The following ROBO1 variants were observed in gnomAD, a reference collection of about 807,000 sequenced individuals.
ROBO1 encodes roundabout homolog 1.
In ROBO1, 149 loss-of-function variants were observed where a neutral mutation model predicts 195.9. The observed-to-expected ratio is 0.76, with a 90% CI of 0.67 to 0.87. The LOEUF (loss-of-function observed/expected upper bound fraction) is 0.87, where lower values mean the gene tolerates loss of function less well. Ranked by LOEUF, ROBO1 falls within the 40% of genes least tolerant of loss-of-function variation. The pLI, the probability that ROBO1 is intolerant of heterozygous loss-of-function variation, is 0.00. For missense variants in ROBO1, 1,933 were observed against 2,068.3 expected (o/e 0.93, Z 1.27); for synonymous variants, 816 against 733.2 (o/e 1.11, Z -1.82).
At chr3:78,946,774 A>T (rs945358318) in intron 3 of ROBO1, among the ~76,000 whole-genome samples, 33 of 152,162 alleles carry the variant, frequency 2.2e-4, no homozygotes, top group African/African-American at 8.0e-4. Flanking sequence ...TATTCAGGAG[A>T]CCCATCTCAC....
Position 78,606,756 on chromosome 3 carries a change from G to A in ROBO1, c.4721C>T (p.Pro1574Leu), listed in dbSNP as rs996377836. ...GNKAAKRDLP[P>L]AKTHLIQEDI... ...ACCTTGGATGAGATGAGTCTTTGCTGGTGGAAGGTCTCGTTTTGCTGCCTT... is the reference window on the plus strand; with the variant it reads ...ACCTTGGATGAGATGAGTCTTTGCTAGTGGAAGGTCTCGTTTTGCTGCCTT... The change falls in exon 29 of 31, where the codon CCA becomes CTA. Residue 1574 changes from proline (P) to leucine (L), a missense_variant. Physicochemically the swap from Pro to Leu is moderately conservative, Grantham distance 98. Transcript: ENST00000464233. 4 of 1,613,670 alleles carry A rather than the reference G, an allele frequency of 2.5e-6. No individual in the cohort carries two copies. The highest frequency in any genetic ancestry group is 3.4e-6 in the Non-Finnish European group (4 of 1,179,832).
At chr3:78,807,928 C>T (rs2084599331) in intron 4 of ROBO1, among the ~76,000 whole-genome samples, 1 of 66,334 alleles carries the variant, frequency 1.5e-5, no homozygotes, top group Non-Finnish European at 3.3e-5. Context: ...TTGCTAAACA[C>T]ATCAACAAGA....
chr3:78,844,994 T>C (rs2033555063), intron 4 of ROBO1, among the ~76,000 whole-genome samples: 1 of 152,112 alleles, frequency 6.6e-6, no homozygotes, highest in Non-Finnish European at 1.5e-5. Context: ...CACTCTGATA[T>C]CAACTTTAGT....
intron 28 of ROBO1, among the ~76,000 whole-genome samples, chr3:78,610,716 C>A (rs1703759542): frequency 6.6e-6 from 1 of 151,968 alleles, no homozygotes; most frequent in African/African-American, 2.4e-5. Context: ...TTATTTATAA[C>A]ACAAGTTAAA....
At chr3:79,258,579 G>T (rs563531899) in intron 2 of ROBO1, among the ~76,000 whole-genome samples, 106 of 152,112 alleles carry the variant, frequency 7.0e-4, no homozygotes, top group Middle Eastern at 3.4e-3. Context: ...TATTTTGTGC[G>T]CCATGTCATA....
At chr3:79,142,284 T>G (rs149305930) in intron 2 of ROBO1, among the ~76,000 whole-genome samples, 127 of 152,246 alleles carry the variant, frequency 8.3e-4, no homozygotes, top group African/African-American at 2.9e-3. Context: ...AAGTATTTTA[T>G]GGGCACCAAT....
At chr3:79,534,119 C>T (rs1361270758) in intron 2 of ROBO1, among the ~76,000 whole-genome samples, 1 of 116,660 alleles carries the variant, frequency 8.6e-6, no homozygotes. Flanking sequence ...GCCACTAGTA[C>T]CTAGGAAGAC....
intron 3 of ROBO1, among the ~76,000 whole-genome samples, chr3:78,982,264 C>T (rs996818469): frequency 2.0e-5 from 3 of 152,120 alleles, no homozygotes; most frequent in African/African-American, 7.2e-5. Flanking sequence ...TATATAAGTA[C>T]CTAAATCTCA....
At chr3:79,720,967 T>G (rs1702675197) in intron 1 of ROBO1, among the ~76,000 whole-genome samples, 1 of 152,124 alleles carries the variant, frequency 6.6e-6, no homozygotes, top group Non-Finnish European at 1.5e-5. Flanking sequence ...TAATTTTTTG[T>G]ATTTTTAGTA....
chr3:78,957,236 G>A (rs900531973), intron 3 of ROBO1, among the ~76,000 whole-genome samples: 18 of 147,384 alleles, frequency 1.2e-4, no homozygotes, highest in Non-Finnish European at 2.1e-4. Flanking sequence ...TTATTCACTC[G>A]AAATATATGT....
At chr3:79,460,617 C>T (rs1232201083) in intron 2 of ROBO1, among the ~76,000 whole-genome samples, 1 of 152,086 alleles carries the variant, frequency 6.6e-6, no homozygotes, top group Non-Finnish European at 1.5e-5. Flanking sequence ...TCTGACCCAC[C>T]CAGAAAATTA....
Position 78,662,091 on chromosome 3 carries a change from C to T in ROBO1, c.1990G>A (p.Val664Met), listed in dbSNP as rs751055048. ...TCTCTCTGGACCTGCTTGTGGTCCA[C>T]CCCCTGACTTGTTGGTAGGACATCT... is the stretch of plus-strand genomic sequence containing the variant. ...TQDVLPTSQG[V>M]DHKQVQRELG... The change falls in exon 15 of 31, where the codon GTG becomes ATG. Residue 664 changes from valine to methionine, a missense_variant. Coordinates refer to ENST00000464233, the MANE Select transcript of ROBO1 (RefSeq NM_002941.4). 3 of 1,567,612 alleles carry T rather than the reference C, an allele frequency of 1.9e-6. No individual in the cohort carries two copies. The highest frequency in any genetic ancestry group is 2.3e-5 in the East Asian group (1 of 42,660).
chr3:79,422,365 C>G (rs1481116918), intron 2 of ROBO1, among the ~76,000 whole-genome samples: 2 of 151,966 alleles, frequency 1.3e-5, no homozygotes, highest in East Asian at 3.9e-4. Context: ...ATGATTCCTT[C>G]TTACTAACCC....
intron 4 of ROBO1, among the ~76,000 whole-genome samples, chr3:78,783,456 A>T (rs2083741774): frequency 6.6e-6 from 1 of 152,204 alleles, no homozygotes; most frequent in African/African-American, 2.4e-5. Flanking sequence ...AGATGAATTC[A>T]CTATTAATAG....
chr3:79,477,719 T>C (rs1302591251), intron 2 of ROBO1, among the ~76,000 whole-genome samples: 1 of 152,132 alleles, frequency 6.6e-6, no homozygotes, highest in Admixed American at 6.6e-5. Flanking sequence ...ATGAAATACA[T>C]AATATTAAGA....
intron 21 of ROBO1, among the ~76,000 whole-genome samples, chr3:78,644,932 G>A (rs1056887516): frequency 1.3e-5 from 2 of 152,148 alleles, no homozygotes; most frequent in Non-Finnish European, 2.9e-5. Flanking sequence ...ATAAAATCAG[G>A]TATTCCAGAT....
intron 2 of ROBO1, among the ~76,000 whole-genome samples, chr3:79,291,564 T>C (rs1449670259): frequency 1.3e-5 from 2 of 152,170 alleles, no homozygotes; most frequent in African/African-American, 4.8e-5. Context: ...ATTATATACT[T>C]CTCCTTCGTG....
chr3:79,153,099 G>A (rs2080801097), intron 2 of ROBO1, among the ~76,000 whole-genome samples: 1 of 151,676 alleles, frequency 6.6e-6, no homozygotes, highest in African/African-American at 2.4e-5. Context: ...GAGGACGGAT[G>A]TGTGTGCATT....
chr3:79,005,493 T>C (rs761662124), intron 3 of ROBO1, among the ~76,000 whole-genome samples: 6 of 152,184 alleles, frequency 3.9e-5, no homozygotes, highest in Non-Finnish European at 8.8e-5. Flanking sequence ...TAGAAATATT[T>C]TTCTTAAATT....
Sources: allele counts gnomAD v4.1 joint callset (sites outside exome capture counted in the v4.1 genomes callset), GRCh38; gene constraint gnomAD v4.1.1; transcripts MANE v1.5; gene names NCBI Gene and HGNC (gene_info 2026-07-23, HGNC 2026-07-21).